ZNF385D: variants seen among roughly 807,000 people sequenced by gnomAD.
ZNF385D encodes zinc finger protein 385D.
Under a neutral mutation model 35.8 loss-of-function variants are expected in ZNF385D, and 15 were observed. The observed-to-expected ratio is 0.42, with a 90% CI of 0.28 to 0.64. The LOEUF (loss-of-function observed/expected upper bound fraction) is 0.64. ZNF385D is among the 30% of genes least tolerant of loss of function. The pLI, the probability that ZNF385D is intolerant of heterozygous loss-of-function variation, is 0.23. For missense variants in ZNF385D, 474 were observed against 494.6 expected, an observed-to-expected ratio of 0.96 and a Z score of 0.39; for synonymous variants, 212 against 186.8, an observed-to-expected ratio of 1.13 and a Z score of -1.10.
intron 3 of ZNF385D, among the ~76,000 whole-genome samples, chr3:22,036,211 G>A (rs1395638467): frequency 6.6e-6 from 1 of 152,118 alleles, no homozygotes; most frequent in Non-Finnish European, 1.5e-5. Flanking sequence ...TGGGGGTGAA[G>A]GTACTCAATT....
intron 3 of ZNF385D, among the ~76,000 whole-genome samples, chr3:22,168,310 T>A (rs1706466931): frequency 6.6e-6 from 1 of 152,270 alleles, no homozygotes; most frequent in South Asian, 2.1e-4. Flanking sequence ...TAAAAAGTAG[T>A]CTAAAGTTAT....
At chr3:22,198,670 C>T (rs1451090442) in intron 2 of ZNF385D, among the ~76,000 whole-genome samples, 1 of 151,998 alleles carries the variant, frequency 6.6e-6, no homozygotes, top group African/African-American at 2.4e-5. Context: ...AAACAAATGA[C>T]TACATATTTG....
At chr3:22,339,683 T>G (rs73136328) in intron 2 of ZNF385D, among the ~76,000 whole-genome samples, 83 of 152,306 alleles carry the variant, frequency 5.4e-4, no homozygotes, top group African/African-American at 2.0e-3. Flanking sequence ...TTTCCCAAAT[T>G]TCTGAAATTA....
intron 3 of ZNF385D, among the ~76,000 whole-genome samples, chr3:22,067,036 T>G (rs995717561): frequency 1.3e-5 from 2 of 152,212 alleles, no homozygotes; most frequent in Non-Finnish European, 1.5e-5. Context: ...AAAGAAGCGA[T>G]CTTCTCTCCT....
chr3:21,492,056 G>A (rs1204987747), intron 4 of ZNF385D, among the ~76,000 whole-genome samples: 4 of 151,968 alleles, frequency 2.6e-5, no homozygotes, highest in African/African-American at 9.7e-5. Flanking sequence ...GAACTGAGGT[G>A]CCCAAAAGCA....
At position 22,120,596 on chromosome 3, in the gene ZNF385D, T is replaced by C. The variant is rs116654189; in HGVS notation, c.325+48221A>G. 8.4e-3 allele frequency among the ~76,000 whole-genome samples: 1,276 copies of C among 152,234 alleles called. 13 individuals are homozygous for C. Among genetic ancestry groups the C allele is most frequent in the South Asian group, 0.022 (108 of 4,820 alleles). ...GAGTTCAGACCACCATAGTCTGAAT[T>C]CCATCTCTACTCTTTACTAGCTGCA... On this transcript the variant is annotated intron_variant, in intron 3 of 5. Coordinates refer to the ZNF385D transcript ENST00000494108.
At chr3:22,212,193 G>A (rs190317911) in intron 2 of ZNF385D, among the ~76,000 whole-genome samples, 1 of 151,970 alleles carries the variant, frequency 6.6e-6, no homozygotes, top group African/African-American at 2.4e-5. Context: ...GGAAGAGGGA[G>A]AAAAGACAGG....
At chr3:22,191,347 C>A (rs2125225435) in intron 2 of ZNF385D, among the ~76,000 whole-genome samples, 1 of 151,974 alleles carries the variant, frequency 6.6e-6, no homozygotes, top group South Asian at 2.1e-4. Context: ...ATTAGCCGCG[C>A]ATGGTGGTGC....
intron 1 of ZNF385D, among the ~76,000 whole-genome samples, chr3:21,721,334 T>A (rs1228569839): frequency 1.3e-5 from 2 of 151,454 alleles, no homozygotes; most frequent in African/African-American, 2.4e-5. Flanking sequence ...TCATTTGATA[T>A]GAAGAAAGGG....
chr3:22,249,279 C>A (rs1271679645), intron 2 of ZNF385D, among the ~76,000 whole-genome samples: 1 of 152,130 alleles, frequency 6.6e-6, no homozygotes, highest in African/African-American at 2.4e-5. Flanking sequence ...AATCCCCCCA[C>A]CCATATTAGC....
At chr3:22,323,396 T>C (rs1310388154) in intron 2 of ZNF385D, among the ~76,000 whole-genome samples, 3 of 152,120 alleles carry the variant, frequency 2.0e-5, no homozygotes, top group South Asian at 2.1e-4. Flanking sequence ...AGACTGGGAA[T>C]GGAGCAGAAA....
At chr3:22,226,614 ATTTG>A (rs1227395653) in intron 2 of ZNF385D, among the ~76,000 whole-genome samples, 1 of 152,170 alleles carries the variant, frequency 6.6e-6, no homozygotes, top group African/African-American at 2.4e-5. Context: ...CATAAAATTC[ATTTG>A]TTTATGATAT....
At chr3:21,997,860 C>T (rs1040457505) in intron 3 of ZNF385D, among the ~76,000 whole-genome samples, 19 of 75,944 alleles carry the variant, frequency 2.5e-4, no homozygotes, top group Admixed American at 4.5e-4. Context: ...CTATTTGGCG[C>T]GCGCGCGCGC....
chr3:21,833,442 C>G (rs963698700), intron 3 of ZNF385D, among the ~76,000 whole-genome samples: 1 of 152,116 alleles, frequency 6.6e-6, no homozygotes, highest in African/African-American at 2.4e-5. Flanking sequence ...GAATGCCACG[C>G]ACGTGGAGAG....
At chr3:21,520,307 G>T (rs1024435329) in intron 3 of ZNF385D, among the ~76,000 whole-genome samples, 2 of 152,174 alleles carry the variant, frequency 1.3e-5, no homozygotes, top group African/African-American at 4.8e-5. Flanking sequence ...TCATAACAGA[G>T]AGAGGAAGAC....
intron 3 of ZNF385D, among the ~76,000 whole-genome samples, chr3:21,540,438 A>T (rs2062145074): frequency 1.3e-5 from 2 of 152,328 alleles, no homozygotes; most frequent in Middle Eastern, 6.8e-3. Flanking sequence ...TGATGAGCTG[A>T]TCAACGGAAC....
intron 2 of ZNF385D, among the ~76,000 whole-genome samples, chr3:21,652,798 T>C (rs2065958968): frequency 6.6e-6 from 1 of 152,162 alleles, no homozygotes; most frequent in Admixed American, 6.5e-5. Flanking sequence ...GCTGAAGATA[T>C]TTGCTGCTTA....
intron 2 of ZNF385D, among the ~76,000 whole-genome samples, chr3:21,571,582 A>G (rs780067157): frequency 6.6e-6 from 1 of 152,106 alleles, no homozygotes; most frequent in Non-Finnish European, 1.5e-5. Flanking sequence ...CTAACTATCC[A>G]GAGTTGGTGT....
chr3:21,785,791 T>A (rs908638199), intron 3 of ZNF385D, among the ~76,000 whole-genome samples: 1 of 152,196 alleles, frequency 6.6e-6, no homozygotes, highest in Non-Finnish European at 1.5e-5. Context: ...TGAAGGTAAA[T>A]AGGACACTTT....
Sources: allele counts gnomAD v4.1 joint callset (sites outside exome capture counted in the v4.1 genomes callset), GRCh38; gene constraint gnomAD v4.1.1; transcripts MANE v1.5; gene names NCBI Gene and HGNC (gene_info 2026-07-23, HGNC 2026-07-21).